The following XPNPEP3 variants were observed in gnomAD, a reference collection of about 807,000 sequenced individuals.
XPNPEP3 encodes X-prolyl aminopeptidase 3.
In XPNPEP3, 41 loss-of-function variants were observed where a neutral mutation model predicts 60.0. That is an observed-to-expected ratio of 0.68 (90% CI 0.53 to 0.89). The LOEUF (loss-of-function observed/expected upper bound fraction) is 0.89, where lower values mean the gene tolerates loss of function less well. XPNPEP3 is among the 40% of genes least tolerant of loss of function. The probability of loss-of-function intolerance (pLI) is 0.00; values close to 1 mark genes in which losing one functional copy is unlikely to be tolerated. For missense variants in XPNPEP3, 598 were observed against 638.9 expected, an observed-to-expected ratio of 0.94 and a Z score of 0.69; for synonymous variants, 212 against 223.2, an observed-to-expected ratio of 0.95 and a Z score of 0.45.
intron 1 of XPNPEP3, among the ~76,000 whole-genome samples, chr22:40,858,635 G>A (rs1000930770): frequency 4.9e-5 from 7 of 143,382 alleles, no homozygotes; most frequent in Admixed American, 1.4e-4. Flanking sequence ...GAGTTCAAGC[G>A]ATTCTCCTGT....
At chr22:40,907,775 T>A in intron 5 of XPNPEP3, 126 bp downstream of exon 5, 1 of 938,722 alleles carries the variant, frequency 1.1e-6, no homozygotes, top group Non-Finnish European at 1.7e-6. Flanking sequence ...GAGGATTTGG[T>A]TCTGAAATAT....
chr22:40,872,782 T>C (rs529172863), intron 2 of XPNPEP3, among the ~76,000 whole-genome samples: 2 of 151,998 alleles, frequency 1.3e-5, no homozygotes, highest in Non-Finnish European at 2.9e-5. Flanking sequence ...TATATTATAT[T>C]ATCTGTACAA....
intron 1 of XPNPEP3, chr22:40,861,690 T>G: frequency 6.2e-7 from 1 of 1,614,104 alleles, no homozygotes; most frequent in Admixed American, 1.7e-5. Flanking sequence ...ATCCCTTTCA[T>G]GAAAAATTTC....
chr22:40,877,727 C>A (rs2058032802), intron 2 of XPNPEP3, among the ~76,000 whole-genome samples: 1 of 152,124 alleles, frequency 6.6e-6, no homozygotes, highest in Admixed American at 6.5e-5. Flanking sequence ...TACAGTTTTA[C>A]CACGTTGCCT....
intron 6 of XPNPEP3, among the ~76,000 whole-genome samples, chr22:40,911,005 T>C (rs190155477): frequency 9.9e-5 from 15 of 152,280 alleles, no homozygotes; most frequent in African/African-American, 3.6e-4. Context: ...AGACTCCGTC[T>C]CAAAAAATAA....
chr22:40,922,337 A>C lies in XPNPEP3; in HGVS notation c.1060A>C (p.Thr354Pro). ...TRTWPVNGRF[T>P]APQAELYEAV... ...CTTTGGTTTTCCCGTCCCCAGGTTC[A>C]CCGCACCTCAGGCAGAACTCTATGA... Residue 354 changes from threonine (T) to proline (P), a missense_variant, in exon 8 of 10, where the codon ACC becomes CCC. Transcript: ENST00000357137. The C allele has an allele frequency of 6.2e-7, 1 of 1,613,790 alleles. No individual in the cohort carries two copies. Among genetic ancestry groups the C allele is most frequent in the East Asian group, 2.2e-5 (1 of 44,886 alleles).
At chr22:40,899,104 C>T (rs984161887) in intron 4 of XPNPEP3, among the ~76,000 whole-genome samples, 7 of 152,164 alleles carry the variant, frequency 4.6e-5, no homozygotes, top group Non-Finnish European at 1.0e-4. Flanking sequence ...ATGTAATAGT[C>T]TAGAAAATGG....
At chr22:40,906,182 CCT>C (rs1323866747) in intron 4 of XPNPEP3, among the ~76,000 whole-genome samples, 1 of 152,100 alleles carries the variant, frequency 6.6e-6, no homozygotes, top group Non-Finnish European at 1.5e-5. Flanking sequence ...CTCAAGCGAT[CCT>C]CTCATCTCAG....
chr22:40,887,126 G>A lies in XPNPEP3; in HGVS notation c.792+611G>A, dbSNP rs572634137. Among the ~76,000 whole-genome samples the A allele has an allele frequency of 4.6e-5, 7 of 152,242 alleles. No homozygotes were observed. The South Asian group carries it at 1.5e-3, about 32-fold the overall frequency. ...TTACACTAATAGTGTCAGTTAAACA[G>A]TTTGGTTCTAAGAAAGACTCAGGAC... On this transcript the variant is annotated intron_variant, in intron 4 of 9. Coordinates refer to ENST00000357137, the MANE Select transcript of XPNPEP3 (RefSeq NM_022098.4).
chr22:40,929,177 A>C lies in XPNPEP3; in HGVS notation c.*2742A>C, dbSNP rs1431012591. On this transcript the variant is annotated 3_prime_UTR_variant, in exon 10 of 10. Transcript: ENST00000357137. ...AGGAATTTCCTTTTCTTCTTGTATC[A>C]TTTTCTTTTCTTTTCTTTTTTTTTT... 1 of 141,470 alleles carries C rather than the reference A, an allele frequency of 7.1e-6. No homozygotes were observed. The highest frequency in any genetic ancestry group is 1.5e-5 in the Non-Finnish European group (1 of 65,020). The allele number at this position is 141,470 out of a possible 1,614,324, so 8.8% of individuals were successfully genotyped here. A position where few individuals can be genotyped will look rare whatever the true frequency, so the allele number is the denominator to read the frequency against.
Position 40,883,529 on chromosome 22 carries a change from T to A in XPNPEP3, c.589+1352T>A, listed in dbSNP as rs888196633. On this transcript the variant is annotated intron_variant, in intron 3 of 9. Transcript: ENST00000357137. ...GCACACCACTATGTCTGGCTAATTT[T>A]TTTTTATTTTTTTGTAGAGATGGAG... 5.9e-5 allele frequency among the ~76,000 whole-genome samples: 9 copies of A among 152,220 alleles called. No homozygotes were observed. In the South Asian group the frequency reaches 1.0e-3, roughly 18 times the overall value.
chr22:40,902,651 G>A (rs545518912), intron 4 of XPNPEP3, among the ~76,000 whole-genome samples: 23 of 152,320 alleles, frequency 1.5e-4, no homozygotes, highest in African/African-American at 5.3e-4. Context: ...CCAAAGTGTT[G>A]GGATTACAGG....
At chr22:40,864,930 C>T (rs2057970677) in intron 1 of XPNPEP3, among the ~76,000 whole-genome samples, 1 of 152,190 alleles carries the variant, frequency 6.6e-6, no homozygotes, top group Non-Finnish European at 1.5e-5. Flanking sequence ...GTTCAAACGC[C>T]TCTGACACTA....
intron 4 of XPNPEP3, among the ~76,000 whole-genome samples, chr22:40,893,240 G>T (rs750056749): frequency 1.3e-5 from 2 of 149,424 alleles, no homozygotes; most frequent in Admixed American, 1.3e-4. Flanking sequence ...CTGGCCGGGC[G>T]CTTATGCCTG....
At chr22:40,862,519 A>C in intron 1 of XPNPEP3, 1 of 985,678 alleles carries the variant, frequency 1.0e-6, no homozygotes, top group Non-Finnish European at 1.2e-6. Context: ...GAAACAGTTC[A>C]GAGGGAGATA....
chr22:40,873,491 T>C (rs939431133), intron 2 of XPNPEP3, among the ~76,000 whole-genome samples: 3 of 152,116 alleles, frequency 2.0e-5, no homozygotes, highest in African/African-American at 7.2e-5. Flanking sequence ...AAGACGATGC[T>C]TTCACCATTT....
chr22:40,901,756 C>T (rs780177901), intron 4 of XPNPEP3, among the ~76,000 whole-genome samples: 4 of 152,136 alleles, frequency 2.6e-5, no homozygotes, highest in Admixed American at 2.0e-4. Flanking sequence ...TGAGCCACTG[C>T]GCCCGGCTAT....
At chr22:40,923,594 G>C (rs961444538) in intron 8 of XPNPEP3, among the ~76,000 whole-genome samples, 1 of 152,108 alleles carries the variant, frequency 6.6e-6, no homozygotes, top group African/African-American at 2.4e-5. Flanking sequence ...GCTCACACCT[G>C]TAATCCCAGC....
chr22:40,900,057 T>C (rs1449721081), intron 4 of XPNPEP3, among the ~76,000 whole-genome samples: 1 of 151,628 alleles, frequency 6.6e-6, no homozygotes, highest in Non-Finnish European at 1.5e-5. Context: ...AGAGCAAGAC[T>C]CTATCTCACA....
Sources: allele counts gnomAD v4.1 joint callset (sites outside exome capture counted in the v4.1 genomes callset), GRCh38; gene constraint gnomAD v4.1.1; transcripts MANE v1.5; gene names NCBI Gene and HGNC (gene_info 2026-07-23, HGNC 2026-07-21).